Variants in ACAP1 observed in about 807,000 individuals in gnomAD.
ACAP1 encodes arf-GAP with coiled-coil, ANK repeat and PH domain-containing protein 1.
ACAP1 carries 45 observed loss-of-function variants against 98.8 expected under a neutral mutation model. The observed-to-expected ratio is 0.46, with a 90% CI of 0.36 to 0.58. The LOEUF (loss-of-function observed/expected upper bound fraction) is 0.58, where lower values mean the gene tolerates loss of function less well. Among genes scored for constraint, ACAP1 ranks in the 20% least tolerant of loss-of-function variants. ACAP1 has a pLI of 0.00. For missense variants in ACAP1, 735 were observed against 971.4 expected, an observed-to-expected ratio of 0.76 and a Z score of 3.24; for synonymous variants, 362 against 375.3, an observed-to-expected ratio of 0.96 and a Z score of 0.41.
chr17:7,343,669 G>C lies in ACAP1; in HGVS notation c.529-37G>C, dbSNP rs1597651083. ...GAAGGGGTGCTGTGTCTTCAAGACT[G>C]ATCTGGGGTTTTTTACGTCCTCTTT... On this transcript the variant is annotated intron_variant, in intron 6 of 21. Coordinates refer to ENST00000158762, the MANE Select transcript of ACAP1 (RefSeq NM_014716.4). The surrounding 1 kb of genome is among the most constrained non-coding windows in gnomAD (Gnocchi z 4.9). The C allele has an allele frequency of 6.2e-7, 1 of 1,608,928 alleles. No homozygotes were observed. Among genetic ancestry groups the C allele is most frequent in the East Asian group, 2.2e-5 (1 of 44,834 alleles).
Position 7,343,648 on chromosome 17 carries a change from G to C in ACAP1, c.529-58G>C. 1 of 1,600,002 alleles carries C rather than the reference G, an allele frequency of 6.2e-7. No individual in the cohort carries two copies. The highest frequency in any genetic ancestry group is 8.5e-7 in the Non-Finnish European group (1 of 1,171,050). On this transcript the variant is annotated intron_variant, in intron 6 of 21. Transcript: ENST00000158762. This position sits in a 1 kb window ranked among gnomAD's most constrained non-coding sequence, Gnocchi z 4.9. ...GGGGTCTCCAGTGTGCAGTGGGAAG[G>C]GGTGCTGTGTCTTCAAGACTGATCT...
chr17:7,344,556 G>T lies in ACAP1; in HGVS notation c.762G>T (p.Glu254Asp). 1 of 1,551,152 alleles carries T rather than the reference G, an allele frequency of 6.4e-7. No individual in the cohort carries two copies. Among genetic ancestry groups the T allele is most frequent in the Non-Finnish European group, 8.7e-7 (1 of 1,146,932 alleles). The change falls in exon 10 of 22, where the codon GAG (glutamate) becomes GAT (aspartate). Residue 254 changes from glutamate (E) to aspartate (D), a missense_variant. Coordinates refer to ENST00000158762, the MANE Select transcript of ACAP1 (RefSeq NM_014716.4). The surrounding 1 kb of genome is among the most constrained non-coding windows in gnomAD (Gnocchi z 4.9). Reference protein sequence around the residue: ...LLKQKELGGEEPEPSLREGPG... With the variant: ...LLKQKELGGEDPEPSLREGPG... ...GCCTCCAGGAGCTGGGTGGGGAGGA[G>T]CCAGAACCAAGCTTAAGAGAGGGGC...
intron 21 of ACAP1, 94 bp from the exon 22 acceptor site, chr17:7,351,201 C>A: frequency 8.3e-7 from 1 of 1,208,998 alleles, no homozygotes; most frequent in Non-Finnish European, 1.2e-6. Context: ...CACCCAGGCT[C>A]GGAGCGCGAG....
At chr17:7,347,323 C>T (rs1385451331) in intron 14 of ACAP1, 81 bp downstream of exon 14, 3 of 1,298,596 alleles carry the variant, frequency 2.3e-6, no homozygotes, top group African/African-American at 2.9e-5. Context: ...CACACCGGCC[C>T]CTCTTCCTTC....
intron 2 of ACAP1, among the ~76,000 whole-genome samples, chr17:7,341,348 C>T (rs1034378846): frequency 3.3e-5 from 5 of 152,284 alleles, no homozygotes; most frequent in Admixed American, 6.5e-5. Flanking sequence ...TTCAAGCAGT[C>T]CTCCTGCCTT....
rs1050535970 is a variant in ACAP1 at position 7,344,132 on chromosome 17, C to T, written c.744+9C>T. On this transcript the variant is annotated intron_variant, in intron 9 of 21. Coordinates refer to ENST00000158762, the MANE Select transcript of ACAP1 (RefSeq NM_014716.4). The surrounding 1 kb of genome is among the most constrained non-coding windows in gnomAD (Gnocchi z 4.9). ...TGCTGCTGAAACAGAAGGTGAGGGG[C>T]CAGGTGCGGTGGCCCACGACCGTCA... 1 of 1,563,720 alleles carries T rather than the reference C, an allele frequency of 6.4e-7. No homozygotes were observed. The highest frequency in any genetic ancestry group is 8.7e-7 in the Non-Finnish European group (1 of 1,153,830).
At position 7,350,014 on chromosome 17, in the gene ACAP1, C is replaced by T. The variant is rs1444630591; in HGVS notation, c.1921C>T (p.Arg641Trp). The T allele has an allele frequency of 3.7e-6, 6 of 1,613,628 alleles. No individual in the cohort carries two copies. The highest frequency in any genetic ancestry group is 5.1e-6 in the Non-Finnish European group (6 of 1,179,596). The change falls in exon 19 of 22, where the codon CGG becomes TGG. Residue 641 changes from arginine (R) to tryptophan (W), a missense_variant. Transcript: ENST00000158762. The surrounding 1 kb of genome is among the most constrained non-coding windows in gnomAD (Gnocchi z 4.6). ...CGTGAACCAAGCGGACAGTGCGGGCCGGGGCCCGCTGCACCACGCAACCAT... is the reference window on the plus strand; with the variant it reads ...CGTGAACCAAGCGGACAGTGCGGGCTGGGGCCCGCTGCACCACGCAACCAT... ...ANVNQADSAG[R>W]GPLHHATILG...
intron 2 of ACAP1, among the ~76,000 whole-genome samples, chr17:7,341,697 C>T (rs768058593): frequency 2.6e-5 from 4 of 152,076 alleles, no homozygotes; most frequent in African/African-American, 4.8e-5. Flanking sequence ...GAGGTGTTGG[C>T]GACAGGCTGA....
intron 17 of ACAP1, 110 bp downstream of exon 17, chr17:7,348,585 C>A: frequency 8.2e-7 from 1 of 1,224,318 alleles, no homozygotes; most frequent in Non-Finnish European, 1.1e-6. Context: ...TGGACAATGT[C>A]GGAGGGACCG....
Position 7,337,378 on chromosome 17 carries a change from G to C in ACAP1, c.111+9G>C, listed in dbSNP as rs768821483. 1.2e-6 allele frequency: 2 copies of C among 1,613,968 alleles called. No homozygotes were observed. The highest frequency in any genetic ancestry group is 1.1e-5 in the South Asian group (1 of 91,084). Reference sequence around the variant, plus strand: ...AGACCCGTCTGGAAAAGGTGACCCTGACATGGAGAGGTGACCCAGGAGTGG... The same window carrying C: ...AGACCCGTCTGGAAAAGGTGACCCTCACATGGAGAGGTGACCCAGGAGTGG... On this transcript the variant is annotated intron_variant, in intron 2 of 21. Transcript: ENST00000158762.
In ACAP1 at chr17:7,336,593, A is replaced by C; in HGVS notation, c.-142A>C. 2.5e-6 allele frequency: 2 copies of C among 812,796 alleles called. No homozygotes were observed. Among genetic ancestry groups the C allele is most frequent in the South Asian group, 1.5e-5 (1 of 68,302 alleles). 50.3% of individuals were successfully genotyped at this position (812,796 alleles called of 1,614,324 possible). Reference sequence around the variant, plus strand: ...ACACCCCTTTCCCCTTGGGGAAAGAATTGTGCCCCCAGGCCCTTCCCCGCG... The same window carrying C: ...ACACCCCTTTCCCCTTGGGGAAAGACTTGTGCCCCCAGGCCCTTCCCCGCG... On this transcript the variant is annotated 5_prime_UTR_variant, in exon 1 of 22. Transcript: ENST00000158762.
At chr17:7,336,933 C>A in intron 1 of ACAP1, 146 bp downstream of exon 1, 1 of 822,634 alleles carries the variant, frequency 1.2e-6, no homozygotes, top group South Asian at 1.6e-5. Flanking sequence ...GGTACCCCAG[C>A]TGTGAAAGCA....
chr17:7,344,770 C>T lies in ACAP1; in HGVS notation c.854+122C>T. ...CCCCCTGCCTCAGTAGAGTTTCATT[C>T]CATCAGCAAAGACAGAGGATAAACC... On this transcript the variant is annotated intron_variant, in intron 10 of 21. Coordinates refer to ENST00000158762, the MANE Select transcript of ACAP1 (RefSeq NM_014716.4). This position sits in a 1 kb window ranked among gnomAD's most constrained non-coding sequence, Gnocchi z 4.9. 1.5e-6 allele frequency: 1 copy of T among 680,024 alleles called. No homozygotes were observed. Among genetic ancestry groups the T allele is most frequent in the Non-Finnish European group, 2.6e-6 (1 of 389,876 alleles). 42.1% of individuals were successfully genotyped at this position (680,024 alleles called of 1,614,324 possible).
In ACAP1 at chr17:7,344,460, G is replaced by A. The variant is rs971892182; in HGVS notation, c.745-79G>A. The A allele has an allele frequency of 1.1e-5, 11 of 1,004,954 alleles. No homozygotes were observed. Among genetic ancestry groups the A allele is most frequent in the Non-Finnish European group, 1.5e-5 (10 of 663,620 alleles). 62.3% of individuals were successfully genotyped at this position (1,004,954 alleles called of 1,614,324 possible). ...TCAAAAAGCAGAAAGTAAGGGCTAG[G>A]GCTGTGGGCAGGAGGCAGATGCCTA... On this transcript the variant is annotated intron_variant, in intron 9 of 21. Coordinates refer to ENST00000158762, the MANE Select transcript of ACAP1 (RefSeq NM_014716.4). The surrounding 1 kb of genome is among the most constrained non-coding windows in gnomAD (Gnocchi z 4.9).
At chr17:7,347,822 C>A in intron 14 of ACAP1, 100 bp from the exon 15 acceptor site, 1 of 1,005,574 alleles carries the variant, frequency 9.9e-7, no homozygotes. Context: ...GCACGGGCCC[C>A]CATGCCAGCC....
intron 2 of ACAP1, among the ~76,000 whole-genome samples, chr17:7,341,310 C>T (rs1010869135): frequency 6.6e-6 from 1 of 152,180 alleles, no homozygotes; most frequent in Non-Finnish European, 1.5e-5. Flanking sequence ...GGTGCCATCT[C>T]AGCTCACTAC....
Position 7,336,722 on chromosome 17 carries a change from C to A in ACAP1, c.-13C>A. The A allele has an allele frequency of 6.2e-7, 1 of 1,613,860 alleles. No homozygotes were observed. The highest frequency in any genetic ancestry group is 8.5e-7 in the Non-Finnish European group (1 of 1,179,806). ...CCTCCAGGGCCCGCTGGCCCCACAG[C>A]AGGCAAGCTGAGATGACGGTCAAGC... On this transcript the variant is annotated 5_prime_UTR_variant, in exon 1 of 22. Coordinates refer to ENST00000158762, the MANE Select transcript of ACAP1 (RefSeq NM_014716.4).
chr17:7,345,981 T>G, intron 10 of ACAP1: 1 of 449,146 alleles, frequency 2.2e-6, no homozygotes, highest in South Asian at 2.5e-5. Context: ...GCAATAGACA[T>G]TTTATTAGAA....
In ACAP1 at chr17:7,344,947, A is replaced by C. The variant is rs2073332460; in HGVS notation, c.854+299A>C. On this transcript the variant is annotated intron_variant, in intron 10 of 21. Transcript: ENST00000158762. This position sits in a 1 kb window ranked among gnomAD's most constrained non-coding sequence, Gnocchi z 4.9. ...ATGAGAAGGTAACTTTTGAACAAAGACTTGAAGGATATCTGGGGGAAGAAA... is the reference window on the plus strand; with the variant it reads ...ATGAGAAGGTAACTTTTGAACAAAGCCTTGAAGGATATCTGGGGGAAGAAA... Among the ~76,000 whole-genome samples the C allele has an allele frequency of 6.6e-6, 1 of 152,150 alleles. No homozygotes were observed. Among genetic ancestry groups the C allele is most frequent in the Non-Finnish European group, 1.5e-5 (1 of 68,028 alleles).
Sources: gnomAD v4.1 joint callset for allele counts (sites outside exome capture counted in the v4.1 genomes callset) on GRCh38, gnomAD v4.1.1 for gene constraint, Gnocchi (gnomAD v3.1) non-coding constraint, MANE v1.5 for transcripts, NCBI Gene and HGNC (gene_info 2026-07-23, HGNC 2026-07-21) for gene names.